Variants in KMT5B observed in about 807,000 individuals in gnomAD.
KMT5B encodes the protein histone-lysine N-methyltransferase KMT5B.
In KMT5B, 10 loss-of-function variants were observed where a neutral mutation model predicts 83.2. The observed-to-expected ratio is 0.12, with a 90% CI of 0.07 to 0.20. The LOEUF (loss-of-function observed/expected upper bound fraction) is 0.20. Ranked by LOEUF, KMT5B falls within the 10% of genes least tolerant of loss-of-function variation. The pLI, the probability that KMT5B is intolerant of heterozygous loss-of-function variation, is 1.00. For synonymous variants in KMT5B, 349 were observed against 388.8 expected, an observed-to-expected ratio of 0.90 and a Z score of 1.20; for missense variants, 753 against 1,067.2, an observed-to-expected ratio of 0.71 and a Z score of 4.10.
At chr11:68,179,379 T>C (rs1856698426) in intron 4 of KMT5B, 1 of 1,162,870 alleles carries the variant, frequency 8.6e-7, no homozygotes, top group Admixed American at 2.5e-5. Flanking sequence ...TTCCAATCAA[T>C]GGCTGGTATA....
At chr11:68,199,989 A>AT (rs1378539606) in intron 1 of KMT5B, among the ~76,000 whole-genome samples, 5 of 152,108 alleles carry the variant, frequency 3.3e-5, no homozygotes, top group Non-Finnish European at 1.5e-5. Context: ...GGTTTTGGTC[A>AT]TTTTTTCTTC....
intron 10 of KMT5B, among the ~76,000 whole-genome samples, chr11:68,160,537 C>G (rs1250046767): frequency 6.6e-6 from 1 of 151,998 alleles, no homozygotes; most frequent in Non-Finnish European, 1.5e-5. Context: ...CACTGCCCAA[C>G]CAAGTGAGGA....
intron 10 of KMT5B, among the ~76,000 whole-genome samples, chr11:68,162,701 C>T (rs1196025034): frequency 6.6e-6 from 1 of 152,174 alleles, no homozygotes; most frequent in Non-Finnish European, 1.5e-5. Context: ...TCTAAACTAA[C>T]ATAAACGCTC....
intron 9 of KMT5B, 141 bp downstream of exon 9, chr11:68,170,874 A>T: frequency 1.2e-6 from 1 of 839,592 alleles, no homozygotes; most frequent in South Asian, 2.1e-5. Context: ...CTTTGTTCAT[A>T]CACACTGCAC....
Position 68,180,741 on chromosome 11 carries a change from T to C in KMT5B, c.309-541A>G, listed in dbSNP as rs572723425. Among the ~76,000 whole-genome samples, 10 of 152,274 alleles carry C rather than the reference T, an allele frequency of 6.6e-5. No homozygotes were observed. In the East Asian group the frequency reaches 9.6e-4, roughly 15 times the overall value. ...AGGATACTGTGACATCTCAGGGTCA[T>C]GCAGCCTCAAAAAGGGGGCATTACT... is the stretch of plus-strand genomic sequence containing the variant. On this transcript the variant is annotated intron_variant, in intron 3 of 10. Coordinates refer to ENST00000304363, the MANE Select transcript of KMT5B (RefSeq NM_017635.5).
At chr11:68,183,249 T>G (rs1590996249) in intron 3 of KMT5B, among the ~76,000 whole-genome samples, 1 of 149,466 alleles carries the variant, frequency 6.7e-6, no homozygotes, top group Non-Finnish European at 1.5e-5. Context: ...ACACTGGGGG[T>G]GCTACAGGGT....
chr11:68,169,794 T>C (rs528900922), intron 9 of KMT5B, among the ~76,000 whole-genome samples: 6 of 152,366 alleles, frequency 3.9e-5, no homozygotes, highest in African/African-American at 9.6e-5. Context: ...TGAAGAATTA[T>C]TGAACTATAA....
At chr11:68,165,998 G>A in intron 10 of KMT5B, 1 of 1,612,460 alleles carries the variant, frequency 6.2e-7, no homozygotes, top group East Asian at 2.2e-5. Context: ...TCTGAAAGTA[G>A]GGAGAAGAAC....
At chr11:68,170,914 ATC>A in intron 9 of KMT5B, 99 bp downstream of exon 9, 2 of 1,273,240 alleles carry the variant, frequency 1.6e-6, no homozygotes, top group South Asian at 1.6e-5. Flanking sequence ...CATAAAGACT[ATC>A]TCTGCATTTA....
In KMT5B at chr11:68,190,672, TATAGA is replaced by T. The variant is rs548199481; in HGVS notation, c.-76-525_-76-521del. Among the ~76,000 whole-genome samples the T allele has an allele frequency of 2.2e-4, 33 of 152,324 alleles. No homozygotes were observed. The South Asian group carries it at 3.1e-3, about 14-fold the overall frequency. ...TAAAAAAATAAAAGTAGGAAAAGGT[TATAGA>T]ATAAAGATATTTTAAAAAGAATATA... On this transcript the variant is annotated intron_variant, in intron 1 of 10. Transcript: ENST00000304363.
rs575265059 is a variant in KMT5B at position 68,157,480 on chromosome 11, G to A, written c.*208C>T. 2.9e-5 allele frequency: 19 copies of A among 654,236 alleles called. No homozygotes were observed. Among genetic ancestry groups the A allele is most frequent in the Non-Finnish European group, 3.5e-5 (16 of 459,884 alleles). 40.5% of individuals were successfully genotyped at this position (654,236 alleles called of 1,614,324 possible). On this transcript the variant is annotated 3_prime_UTR_variant, in exon 11 of 11. Transcript: ENST00000304363. ...CTTTACCTCTAACTCAGAATTGCAC[G>A]TAAGAAGGCTATTTAAAAAGTACGA...
chr11:68,185,315 C>T (rs1485077088), intron 3 of KMT5B, among the ~76,000 whole-genome samples: 2 of 152,154 alleles, frequency 1.3e-5, no homozygotes, highest in African/African-American at 4.8e-5. Context: ...AAGTGATTCT[C>T]CTGCCTCAGC....
intron 10 of KMT5B, among the ~76,000 whole-genome samples, chr11:68,165,352 A>G (rs1855220198): frequency 6.6e-6 from 1 of 152,156 alleles, no homozygotes; most frequent in Non-Finnish European, 1.5e-5. Context: ...AAAAATACAA[A>G]AATTAGCTGG....
intron 10 of KMT5B, among the ~76,000 whole-genome samples, chr11:68,160,461 C>A (rs4256988): frequency 6.6e-6 from 1 of 152,106 alleles, no homozygotes; most frequent in African/African-American, 2.4e-5. Flanking sequence ...GATAACAAAA[C>A]GAATCATCAC....
At chr11:68,198,489 AGACAAGACAG>A (rs971385880) in intron 1 of KMT5B, among the ~76,000 whole-genome samples, 9 of 101,784 alleles carry the variant, frequency 8.8e-5, no homozygotes, top group South Asian at 6.5e-4. Context: ...AGACAAGACA[AGACAAGACAG>A]GGCGGCTAGC....
intron 1 of KMT5B, among the ~76,000 whole-genome samples, chr11:68,197,296 C>T (rs569938471): frequency 6.6e-6 from 1 of 152,258 alleles, no homozygotes; most frequent in South Asian, 2.1e-4. Context: ...AAGTCCCAAC[C>T]AAGATGTCTA....
chr11:68,190,687 T>C (rs942070228), intron 1 of KMT5B, among the ~76,000 whole-genome samples: 10 of 152,210 alleles, frequency 6.6e-5, no homozygotes, highest in Non-Finnish European at 1.2e-4. Context: ...AATAAAGATA[T>C]TTTAAAAAGA....
rs369767993 is a variant in KMT5B, at chr11:68,171,725, G to A, written c.654-16C>T. Reference sequence around the variant, plus strand: ...ATTTCGTTTCCTATTTAAAATATGTGATGTGTTAAAAATTACTAGTAATTA... The same window carrying A: ...ATTTCGTTTCCTATTTAAAATATGTAATGTGTTAAAAATTACTAGTAATTA... On this transcript the variant is annotated splice_polypyrimidine_tract_variant and intron_variant, in intron 6 of 10. Coordinates refer to ENST00000304363, the MANE Select transcript of KMT5B (RefSeq NM_017635.5). The surrounding 1 kb of genome is among the most constrained non-coding windows in gnomAD (Gnocchi z 5.1). 1 of 1,589,114 alleles carries A rather than the reference G, an allele frequency of 6.3e-7. No homozygotes were observed. Among genetic ancestry groups the A allele is most frequent in the Non-Finnish European group, 8.6e-7 (1 of 1,162,146 alleles).
intron 4 of KMT5B, among the ~76,000 whole-genome samples, chr11:68,176,008 G>A (rs1369222609): frequency 7.0e-6 from 1 of 143,650 alleles, no homozygotes; most frequent in Non-Finnish European, 1.5e-5. Context: ...TCTGCCTCCC[G>A]GGTTCAAGTG....
Sources: allele counts gnomAD v4.1 joint callset (sites outside exome capture counted in the v4.1 genomes callset), GRCh38; gene constraint gnomAD v4.1.1; non-coding constraint Gnocchi (gnomAD v3.1); transcripts MANE v1.5; gene names NCBI Gene and HGNC (gene_info 2026-07-23, HGNC 2026-07-21).